Variants in CCSER2 observed in about 807,000 individuals in gnomAD.
CCSER2 encodes coiled-coil serine rich protein 2.
In CCSER2, 46 loss-of-function variants were observed where a neutral mutation model predicts 92.3. That is an observed-to-expected ratio of 0.50 (90% CI 0.39 to 0.64). CCSER2 has a LOEUF of 0.64. Ranked by LOEUF, CCSER2 falls within the 30% of genes least tolerant of loss-of-function variation. CCSER2 has a pLI of 0.00. For missense variants in CCSER2, 1,244 were observed against 1,238.9 expected (o/e 1.00, Z -0.06); for synonymous variants, 433 against 431.4 (o/e 1.00, Z -0.04).
At chr10:84,352,261 G>A (rs758887288) in intron 1 of CCSER2, among the ~76,000 whole-genome samples, 2 of 152,028 alleles carry the variant, frequency 1.3e-5, no homozygotes, top group African/African-American at 4.8e-5. Flanking sequence ...CCAAGATTGC[G>A]TCACTGCACT....
At chr10:84,376,962 G>T (rs1846371441) in intron 3 of CCSER2, among the ~76,000 whole-genome samples, 1 of 151,964 alleles carries the variant, frequency 6.6e-6, no homozygotes, top group African/African-American at 2.4e-5. Context: ...TATGTTTATT[G>T]GGCCATTAGG....
chr10:84,340,056 T>A (rs1589387011), intron 1 of CCSER2, among the ~76,000 whole-genome samples: 1 of 151,996 alleles, frequency 6.6e-6, no homozygotes, highest in East Asian at 1.9e-4. Context: ...TTGGCCAGGC[T>A]GGTCTTGAAT....
intron 6 of CCSER2, among the ~76,000 whole-genome samples, chr10:84,457,361 T>TTTAAATATATATTTTAATATATA (rs1845782830): frequency 2.7e-5 from 1 of 37,100 alleles, no homozygotes; most frequent in Non-Finnish European, 7.5e-5. Flanking sequence ...ATATATATAT[T>TTTAAATATATATTTTAATATATA]TATTTTAAAT....
intron 4 of CCSER2, 66 bp downstream of exon 4, chr10:84,417,927 A>G (rs1435720450): frequency 2.5e-6 from 2 of 815,130 alleles, no homozygotes; most frequent in African/African-American, 1.7e-5. Flanking sequence ...AGCCAATTTG[A>G]TATTTGTTAC....
intron 3 of CCSER2, among the ~76,000 whole-genome samples, chr10:84,395,043 A>G (rs574187503): frequency 2.0e-4 from 31 of 151,914 alleles, no homozygotes; most frequent in Admixed American, 3.9e-4. Flanking sequence ...GAGCAATGTA[A>G]CAAGACCCCA....
intron 6 of CCSER2, among the ~76,000 whole-genome samples, chr10:84,447,801 C>T (rs1005190381): frequency 2.0e-5 from 3 of 151,938 alleles, no homozygotes; most frequent in Admixed American, 6.6e-5. Flanking sequence ...GTGAAGAGTT[C>T]GTTTCTTTTG....
At chr10:84,457,278 ATTATATATTATATATTATATATAATATG>A (rs1564684623) in intron 6 of CCSER2, among the ~76,000 whole-genome samples, 1 of 2,226 alleles carries the variant, frequency 4.5e-4, no homozygotes, top group Non-Finnish European at 8.7e-4. Flanking sequence ...TATATAATAT[ATTATATATTATATATTATATATAATATG>A]TTATATATAA....
intron 9 of CCSER2, among the ~76,000 whole-genome samples, chr10:84,501,506 C>T (rs1461497520): frequency 6.6e-6 from 1 of 151,998 alleles, no homozygotes; most frequent in African/African-American, 2.4e-5. Context: ...AATAGAGTTT[C>T]AGCTTTACTT....
At chr10:84,360,488 G>T (rs1242946904) in intron 1 of CCSER2, among the ~76,000 whole-genome samples, 1 of 152,196 alleles carries the variant, frequency 6.6e-6, no homozygotes. Flanking sequence ...GAAGCAGTTT[G>T]AGGCTTTTAA....
At chr10:84,331,849 ATGTTT>A (rs951877144) in intron 1 of CCSER2, among the ~76,000 whole-genome samples, 6 of 152,130 alleles carry the variant, frequency 3.9e-5, no homozygotes, top group Non-Finnish European at 8.8e-5. Flanking sequence ...TTCATATTTG[ATGTTT>A]TATTTTTGCT....
intron 9 of CCSER2, among the ~76,000 whole-genome samples, chr10:84,492,676 AAT>A (rs1848239318): frequency 6.6e-6 from 1 of 152,234 alleles, no homozygotes; most frequent in Non-Finnish European, 1.5e-5. Flanking sequence ...TTTTATCATG[AAT>A]ATGAGTTGGA....
chr10:84,349,796 GCTTCTACATTTT>G (rs1177805307), intron 1 of CCSER2, among the ~76,000 whole-genome samples: 14 of 152,078 alleles, frequency 9.2e-5, no homozygotes, highest in Admixed American at 6.5e-5. Context: ...ATTTTTTCCT[GCTTCTACATTTT>G]CTTCTTTCCT....
At chr10:84,397,851 A>G (rs997363496) in intron 3 of CCSER2, among the ~76,000 whole-genome samples, 46 of 152,198 alleles carry the variant, frequency 3.0e-4, no homozygotes, top group Non-Finnish European at 6.3e-4. Flanking sequence ...CAGCCTTTGT[A>G]AGGCATCACA....
At chr10:84,358,842 T>A (rs59435595) in intron 1 of CCSER2, among the ~76,000 whole-genome samples, 1 of 152,100 alleles carries the variant, frequency 6.6e-6, no homozygotes, top group South Asian at 2.1e-4. Flanking sequence ...GTTCATAAAT[T>A]CTTTTTGTAA....
At chr10:84,478,330 A>G (rs2133746498) in intron 9 of CCSER2, among the ~76,000 whole-genome samples, 1 of 152,304 alleles carries the variant, frequency 6.6e-6, no homozygotes, top group South Asian at 2.1e-4. Flanking sequence ...TCATATGGAC[A>G]TTAGTCATTC....
At chr10:84,392,005 C>T in intron 3 of CCSER2, 1 of 1,318,550 alleles carries the variant, frequency 7.6e-7, no homozygotes, top group East Asian at 2.3e-5. Context: ...GACCAGTTTC[C>T]TCTTCCCTTA....
rs188906014 is a variant in CCSER2, at chr10:84,361,298, T to C, written c.-39-9716T>C. 4.6e-5 allele frequency among the ~76,000 whole-genome samples: 7 copies of C among 152,350 alleles called. No homozygotes were observed. The East Asian group carries it at 1.3e-3, about 29-fold the overall frequency. On this transcript the variant is annotated intron_variant, in intron 1 of 9. Coordinates refer to ENST00000372088, the MANE Select transcript of CCSER2 (RefSeq NM_001284240.2). ...TTATGCTCAGCCAAAAGTGAAACTG[T>C]TAAATGTCCCGTCTCTCCTGGGAGG... is the stretch of plus-strand genomic sequence containing the variant.
intron 9 of CCSER2, among the ~76,000 whole-genome samples, chr10:84,496,436 C>T (rs1370033116): frequency 1.3e-5 from 2 of 152,180 alleles, no homozygotes; most frequent in East Asian, 1.9e-4. Flanking sequence ...CAGGCGCCCG[C>T]CACCACGCCC....
intron 1 of CCSER2, among the ~76,000 whole-genome samples, chr10:84,347,369 C>A (rs1844551269): frequency 6.6e-6 from 1 of 151,856 alleles, no homozygotes; most frequent in African/African-American, 2.4e-5. Context: ...AGAGGTGCCC[C>A]CCCACCTCCC....
Sources: gnomAD v4.1 joint callset for allele counts (sites outside exome capture counted in the v4.1 genomes callset) on GRCh38, gnomAD v4.1.1 for gene constraint, MANE v1.5 for transcripts, NCBI Gene and HGNC (gene_info 2026-07-23, HGNC 2026-07-21) for gene names.